The following VIT variants were observed in gnomAD, a reference collection of about 807,000 sequenced individuals.
The protein encoded by VIT is vitrin.
In VIT, 99 loss-of-function variants were observed where a neutral mutation model predicts 78.0. The observed-to-expected ratio is 1.27, with a 90% CI of 1.08 to 1.50. The LOEUF (loss-of-function observed/expected upper bound fraction) is 1.50, where lower values mean the gene tolerates loss of function less well. Among genes scored for constraint, VIT ranks in the 40% most tolerant of loss-of-function variants. VIT has a pLI of 0.00. For synonymous variants in VIT, 374 were observed against 334.3 expected, an observed-to-expected ratio of 1.12 and a Z score of -1.29; for missense variants, 1,126 against 875.3, an observed-to-expected ratio of 1.29 and a Z score of -3.61.
chr2:36,772,169 G>A (rs1036368661), intron 7 of VIT, among the ~76,000 whole-genome samples: 1 of 152,150 alleles, frequency 6.6e-6, no homozygotes, highest in Admixed American at 6.5e-5. Flanking sequence ...AACACTTTGG[G>A]AGGCCGAGGC....
chr2:36,732,355 G>A (rs150966854), intron 3 of VIT, among the ~76,000 whole-genome samples: 47 of 152,246 alleles, frequency 3.1e-4, no homozygotes, highest in African/African-American at 1.0e-3. Context: ...CAGCGCATTG[G>A]AATCAGTAAA....
chr2:36,796,342 A>G (rs779624139), intron 12 of VIT, among the ~76,000 whole-genome samples: 3 of 152,212 alleles, frequency 2.0e-5, no homozygotes, highest in Non-Finnish European at 2.9e-5. Flanking sequence ...GTTGATGAAA[A>G]TGTTGTGACC....
intron 1 of VIT, among the ~76,000 whole-genome samples, chr2:36,703,909 GTTTT>G (rs770921016): frequency 0.54 from 62,647 of 115,858 alleles, 13,961 homozygotes; most frequent in Admixed American, 0.61. Context: ...TTTGTTTGGG[GTTTT>G]TTTTTGTTTG....
intron 12 of VIT, among the ~76,000 whole-genome samples, chr2:36,788,638 C>G (rs917083233): frequency 6.6e-6 from 1 of 152,098 alleles, no homozygotes; most frequent in African/African-American, 2.4e-5. Context: ...AAATGCCAAC[C>G]CTTTTTCATT....
chr2:36,763,524 A>ATGTTCAGT (rs1669243314), intron 6 of VIT, among the ~76,000 whole-genome samples: 1 of 147,672 alleles, frequency 6.8e-6, no homozygotes. Flanking sequence ...CAAGGGTATT[A>ATGTTCAGT]TGTTCAGTGA....
rs866314805 is a variant in VIT at position 36,763,225 on chromosome 2, G to A, written c.488-3869G>A. On this transcript the variant is annotated intron_variant, in intron 6 of 15. Coordinates refer to ENST00000379242, the MANE Select transcript of VIT (RefSeq NM_053276.4). ...CTCCACGACCAGGGCCCTGGAACCT[G>A]CATTTTAACACCTCCAGTGTGGTTC... 1.8e-4 allele frequency among the ~76,000 whole-genome samples: 27 copies of A among 152,164 alleles called. No homozygotes were observed. In the South Asian group the frequency reaches 2.1e-3, roughly 12 times the overall value.
rs1195866314 is a variant in VIT at position 36,758,984 on chromosome 2, A to AC, written c.425_426insC (p.Lys142AsnfsTer23). 1 of 1,613,708 alleles carries AC rather than the reference A, an allele frequency of 6.2e-7. No homozygotes were observed. Among genetic ancestry groups the AC allele is most frequent in the African/African-American group, 1.3e-5 (1 of 75,016 alleles). On this transcript the variant is annotated frameshift_variant, in exon 6 of 16. Transcript: ENST00000379242. LOFTEE classifies it high-confidence loss of function. Reference sequence around the variant, plus strand: ...TTTTTTGCAGAAAGTAAACCCAAAAAGGGTGTAACCTACCCATCAGCTCTT... The same window carrying AC: ...TTTTTTGCAGAAAGTAAACCCAAAAACGGGTGTAACCTACCCATCAGCTCTT...
At chr2:36,732,149 G>A (rs973386961) in intron 3 of VIT, among the ~76,000 whole-genome samples, 5 of 152,190 alleles carry the variant, frequency 3.3e-5, no homozygotes, top group African/African-American at 1.2e-4. Flanking sequence ...GAATTCCTTC[G>A]GGCTGTTTCC....
intron 11 of VIT, among the ~76,000 whole-genome samples, chr2:36,786,130 G>A (rs748590664): frequency 6.9e-4 from 104 of 151,808 alleles, no homozygotes; most frequent in African/African-American, 1.1e-3. Flanking sequence ...GTGTCCTCTC[G>A]GATACACCAG....
At chr2:36,718,807 T>C (rs1341859343) in intron 2 of VIT, among the ~76,000 whole-genome samples, 6 of 152,170 alleles carry the variant, frequency 3.9e-5, no homozygotes, top group Non-Finnish European at 8.8e-5. Context: ...AATTGCTGTA[T>C]ATGCCTGGCT....
chr2:36,801,545 C>T (rs904660997), intron 13 of VIT, 141 bp downstream of exon 13: 9 of 723,066 alleles, frequency 1.2e-5, no homozygotes, highest in African/African-American at 1.1e-4. Context: ...TGGTGGTTCA[C>T]ACCTGTTATC....
At chr2:36,741,284 A>G (rs1248464734) in intron 3 of VIT, among the ~76,000 whole-genome samples, 1 of 152,236 alleles carries the variant, frequency 6.6e-6, no homozygotes, top group Non-Finnish European at 1.5e-5. Context: ...ATCAGAGTTT[A>G]AAAGAATGAA....
intron 12 of VIT, among the ~76,000 whole-genome samples, chr2:36,788,894 A>G (rs11888961): frequency 0.016 from 2,398 of 152,264 alleles, 62 homozygotes; most frequent in African/African-American, 0.055. Flanking sequence ...TGCTGATGAG[A>G]GCATGGATTA....
chr2:36,807,408 C>T (rs893454868), intron 14 of VIT, among the ~76,000 whole-genome samples: 1 of 152,220 alleles, frequency 6.6e-6, no homozygotes, highest in African/African-American at 2.4e-5. Flanking sequence ...TGTGACTTCA[C>T]TGCCTGGTGG....
chr2:36,729,789 C>A (rs562984932), intron 3 of VIT, among the ~76,000 whole-genome samples: 1 of 152,128 alleles, frequency 6.6e-6, no homozygotes, highest in African/African-American at 2.4e-5. Context: ...AAAAGCTTAG[C>A]CCTGACATTG....
chr2:36,700,019 A>AT (rs1387575148), intron 1 of VIT, among the ~76,000 whole-genome samples: 2 of 142,448 alleles, frequency 1.4e-5, no homozygotes, highest in African/African-American at 5.1e-5. Context: ...ATGTTAGTTA[A>AT]TTTTTTTTAA....
intron 6 of VIT, 142 bp from the exon 7 acceptor site, chr2:36,766,952 G>A (rs2148584876): frequency 1.1e-6 from 1 of 914,010 alleles, no homozygotes; most frequent in South Asian, 3.6e-5. Context: ...GAATGTGGCT[G>A]TTACCTGGGT....
intron 12 of VIT, among the ~76,000 whole-genome samples, chr2:36,799,298 C>T (rs981343669): frequency 5.3e-5 from 8 of 152,192 alleles, no homozygotes; most frequent in Non-Finnish European, 1.2e-4. Context: ...CCACTTGTCC[C>T]GGTCCGCATG....
chr2:36,779,376 C>T (rs187275520), intron 9 of VIT, among the ~76,000 whole-genome samples: 84 of 152,348 alleles, frequency 5.5e-4, no homozygotes, highest in African/African-American at 1.9e-3. Flanking sequence ...CAGTGCCTGA[C>T]ACTAAGCAAG....
Sources: allele counts gnomAD v4.1 joint callset (sites outside exome capture counted in the v4.1 genomes callset), GRCh38; gene constraint gnomAD v4.1.1; transcripts MANE v1.5; gene names NCBI Gene and HGNC (gene_info 2026-07-23, HGNC 2026-07-21).